DMD: variants seen among roughly 807,000 people sequenced by gnomAD.
The protein encoded by DMD is mutant dystrophin.
In DMD, 63 loss-of-function variants were observed where a neutral mutation model predicts 330.1. The ratio of observed to expected loss-of-function variants is 0.19; its 90% confidence interval spans 0.16 to 0.24. The LOEUF is 0.24. DMD is among the 10% of genes least tolerant of loss of function. The pLI is 1.00. For missense variants in DMD, 3,344 were observed against 2,684.1 expected (o/e 1.25, Z -5.43); for synonymous variants, 1,223 against 959.8 (o/e 1.27, Z -5.07).
At chrX:31,712,720 G>T (rs764555281) in intron 52 of DMD, among the ~76,000 whole-genome samples, 1 of 110,609 alleles carries the variant, frequency 9.0e-6, no homozygotes, top group African/African-American at 3.3e-5. Flanking sequence ...CAGGACTTAT[G>T]CTGTGTAAGA....
At chrX:31,692,711 T>A (rs951859462) in intron 52 of DMD, among the ~76,000 whole-genome samples, 1 of 111,401 alleles carries the variant, frequency 9.0e-6, no homozygotes, top group Admixed American at 9.6e-5. Context: ...CAAAACTGAA[T>A]AATGAAAATT....
At chrX:32,010,178 T>C in intron 44 of DMD, among the ~76,000 whole-genome samples, 1 of 112,051 alleles carries the variant, frequency 8.9e-6, no homozygotes, top group South Asian at 3.7e-4. Context: ...GAATGGATAA[T>C]GAATGTTGTG....
intron 2 of DMD, among the ~76,000 whole-genome samples, chrX:32,975,641 T>C (rs768867848): frequency 9.0e-6 from 1 of 111,190 alleles, no homozygotes; most frequent in East Asian, 2.9e-4. Context: ...ATAGTTTTGT[T>C]TTCCTGATGT....
intron 17 of DMD, among the ~76,000 whole-genome samples, chrX:32,529,555 T>A (rs1033212853): frequency 1.8e-5 from 2 of 108,296 alleles, no homozygotes; most frequent in African/African-American, 6.8e-5. Flanking sequence ...CTTTCTAAAT[T>A]AACTGAGACC....
intron 60 of DMD, among the ~76,000 whole-genome samples, chrX:31,401,263 G>A (rs952774266): frequency 1.8e-5 from 2 of 111,793 alleles, no homozygotes; most frequent in African/African-American, 3.2e-5. Flanking sequence ...GTTTAGATGA[G>A]TTATTTCTAA....
At chrX:32,729,723 C>T (rs1366221389) in intron 7 of DMD, among the ~76,000 whole-genome samples, 1 of 104,778 alleles carries the variant, frequency 9.5e-6, no homozygotes, top group Non-Finnish European at 1.9e-5. Context: ...GCTTTTTATA[C>T]TAAGAAATTC....
At chrX:32,051,121 T>C (rs1603623328) in intron 44 of DMD, among the ~76,000 whole-genome samples, 2 of 109,789 alleles carry the variant, frequency 1.8e-5, no homozygotes, top group African/African-American at 6.7e-5. Context: ...ACTTTCAGGC[T>C]GCCCTCTTGA....
At chrX:33,041,747 T>C (rs1309532962) in intron 1 of DMD, 2 of 1,178,518 alleles carry the variant, frequency 1.7e-6, no homozygotes, top group African/African-American at 3.5e-5. Context: ...GGGTGGTTTT[T>C]GCATTAAATC....
At chrX:32,343,851 G>C (rs1052607212) in intron 39 of DMD, among the ~76,000 whole-genome samples, 3 of 111,869 alleles carry the variant, frequency 2.7e-5, no homozygotes, top group Non-Finnish European at 5.7e-5. Flanking sequence ...GTTCCAAGCT[G>C]TATGTGTAGA....
chrX:31,959,512 C>T (rs1018068418), intron 45 of DMD, among the ~76,000 whole-genome samples: 4 of 111,754 alleles, frequency 3.6e-5, no homozygotes, highest in African/African-American at 1.3e-4. Context: ...CACTCATTTA[C>T]TTCTCATTTG....
chrX:32,887,770 A>AAAAAAC (rs1557117376), intron 2 of DMD, among the ~76,000 whole-genome samples: 1,231 of 70,247 alleles, frequency 0.018, 144 homozygotes, highest in Non-Finnish European at 0.026. Context: ...AAAAAAAAAA[A>AAAAAAC]AAAAAACATC....
intron 74 of DMD, among the ~76,000 whole-genome samples, chrX:31,160,418 T>C (rs1392429392): frequency 1.8e-5 from 2 of 111,768 alleles, no homozygotes; most frequent in Non-Finnish European, 3.8e-5. Context: ...GCACCTGTTA[T>C]AGCTTTATCT....
chrX:32,701,067 G>A (rs781648311), intron 7 of DMD, among the ~76,000 whole-genome samples: 1 of 112,087 alleles, frequency 8.9e-6, no homozygotes, highest in Non-Finnish European at 1.9e-5. Context: ...AATTCTTAAT[G>A]TACATATGAA....
rs1056263512 is a variant in DMD at position 32,491,183 on chromosome X, G to A, written c.2622+94C>T. ...TTAGCTAAATCCTTAGAAGGTGAAC[G>A]TTTCATTACTAAATAATTTGTTACT... On this transcript the variant is annotated intron_variant, in intron 20 of 78. Coordinates refer to ENST00000357033, the MANE Select transcript of DMD (RefSeq NM_004006.3). 7 of 1,064,863 alleles carry A rather than the reference G, an allele frequency of 6.6e-6. No homozygotes were observed. The Admixed American group carries it at 8.8e-5, about 13-fold the overall frequency. The allele number at this position is 1,064,863 out of a possible 1,213,427, so 87.8% of individuals were successfully genotyped here. A position where few individuals can be genotyped will look rare whatever the true frequency, so the allele number is the denominator to read the frequency against.
rs749051375 is a variant in DMD, at chrX:31,886,180, G to T, written c.6913-10807C>A. ...TTCTGTACTTAAAAAATAAAGACTTGATTGAATTTTAACTTAATTTTAAAA... is the reference window on the plus strand; with the variant it reads ...TTCTGTACTTAAAAAATAAAGACTTTATTGAATTTTAACTTAATTTTAAAA... On this transcript the variant is annotated intron_variant, in intron 47 of 78. Coordinates refer to ENST00000357033, the MANE Select transcript of DMD (RefSeq NM_004006.3). Among the ~76,000 whole-genome samples, 4 of 111,037 alleles carry T rather than the reference G, an allele frequency of 3.6e-5. No homozygotes were observed. In the South Asian group the frequency reaches 1.1e-3, roughly 31 times the overall value.
chrX:31,466,641 G>A (rs2066878384), intron 59 of DMD, among the ~76,000 whole-genome samples: 1 of 112,017 alleles, frequency 8.9e-6, no homozygotes, highest in Admixed American at 9.5e-5. Flanking sequence ...ACTTGGCTAT[G>A]TGGGCTCTTT....
chrX:31,896,835 A>T (rs2094341270), intron 47 of DMD, among the ~76,000 whole-genome samples: 1 of 112,239 alleles, frequency 8.9e-6, no homozygotes, highest in Non-Finnish European at 1.9e-5. Flanking sequence ...CATTAAAACT[A>T]GTTGAGTTTT....
intron 2 of DMD, among the ~76,000 whole-genome samples, chrX:32,941,519 G>C (rs1399491958): frequency 9.0e-6 from 1 of 111,351 alleles, no homozygotes; most frequent in African/African-American, 3.3e-5. Flanking sequence ...CAGCTGTGAT[G>C]GAGGCCATTA....
intron 64 of DMD, among the ~76,000 whole-genome samples, chrX:31,215,977 T>C (rs760235355): frequency 7.9e-4 from 89 of 112,634 alleles, no homozygotes; most frequent in Non-Finnish European, 1.2e-3. Flanking sequence ...CCTAGTCACA[T>C]TTTTGTGTCT....
Sources: gnomAD v4.1 joint callset for allele counts (sites outside exome capture counted in the v4.1 genomes callset) on GRCh38, gnomAD v4.1.1 for gene constraint, MANE v1.5 for transcripts, NCBI Gene and HGNC (gene_info 2026-07-23, HGNC 2026-07-21) for gene names.